Variants in RYR2 observed in about 807,000 individuals in gnomAD.
The protein encoded by RYR2 is ryanodine receptor 2, also known as cardiac muscle ryanodine receptor-calcium release channel.
Under a neutral mutation model 601.1 loss-of-function variants are expected in RYR2, and 227 were observed. That is an observed-to-expected ratio of 0.38 (90% CI 0.34 to 0.42). The LOEUF (loss-of-function observed/expected upper bound fraction) is 0.42. RYR2 is among the 10% of genes least tolerant of loss of function. The pLI, the probability that RYR2 is intolerant of heterozygous loss-of-function variation, is 1.00. For missense variants in RYR2, 4,646 were observed against 6,156.5 expected (o/e 0.75, Z 8.21); for synonymous variants, 2,223 against 2,175.1 (o/e 1.02, Z -0.61).
chr1:237,516,202 C>G (rs1666529832), intron 24 of RYR2, among the ~76,000 whole-genome samples: 1 of 152,088 alleles, frequency 6.6e-6, no homozygotes, highest in Non-Finnish European at 1.5e-5. Flanking sequence ...CCTCTGCCTC[C>G]CAGATTCAAG....
At chr1:237,191,186 G>A (rs1203170654) in intron 1 of RYR2, among the ~76,000 whole-genome samples, 1 of 152,048 alleles carries the variant, frequency 6.6e-6, no homozygotes, top group East Asian at 1.9e-4. Context: ...TCCCCATTTT[G>A]TAGTCTTGGT....
intron 1 of RYR2, among the ~76,000 whole-genome samples, chr1:237,258,003 A>G (rs1248485152): frequency 1.3e-5 from 2 of 151,800 alleles, no homozygotes; most frequent in Non-Finnish European, 2.9e-5. Context: ...GTCTCTACTA[A>G]AAATACAAAA....
chr1:237,575,616 A>G (rs1025046044), intron 29 of RYR2, among the ~76,000 whole-genome samples: 2 of 152,134 alleles, frequency 1.3e-5, no homozygotes, highest in African/African-American at 4.8e-5. Context: ...ATGTAACAAT[A>G]AGAAGGAATT....
chr1:237,687,304 G>A (rs1686481999), intron 62 of RYR2, 151 bp from the exon 63 acceptor site: 2 of 607,972 alleles, frequency 3.3e-6, no homozygotes, highest in Non-Finnish European at 5.8e-6. Flanking sequence ...TTCTTTCTGC[G>A]TGACATCATG....
chr1:237,083,092 T>C (rs1034589957), intron 1 of RYR2, among the ~76,000 whole-genome samples: 1 of 152,142 alleles, frequency 6.6e-6, no homozygotes, highest in Non-Finnish European at 1.5e-5. Flanking sequence ...TTGCCACAAG[T>C]CCCCTTTCAG....
intron 16 of RYR2, among the ~76,000 whole-genome samples, chr1:237,460,603 A>G (rs1345000918): frequency 6.6e-6 from 1 of 152,194 alleles, no homozygotes; most frequent in Non-Finnish European, 1.5e-5. Context: ...TGAATTATTT[A>G]ATAAATACGT....
intron 1 of RYR2, among the ~76,000 whole-genome samples, chr1:237,093,139 A>G (rs906136864): frequency 7.9e-5 from 12 of 152,154 alleles, no homozygotes; most frequent in Non-Finnish European, 1.6e-4. Flanking sequence ...ATCTAATTTT[A>G]ATTAACCCAA....
chr1:237,273,178 G>A (rs1290428322), intron 2 of RYR2, among the ~76,000 whole-genome samples: 1 of 151,928 alleles, frequency 6.6e-6, no homozygotes, highest in African/African-American at 2.4e-5. Context: ...CTATATCTGG[G>A]GGTGACAGTG....
intron 100 of RYR2, among the ~76,000 whole-genome samples, chr1:237,809,734 T>C (rs790883): frequency 0.19 from 28,770 of 151,998 alleles, 3,228 homozygotes; most frequent in East Asian, 0.5. Context: ...GATATAATGA[T>C]ACATAAATTA....
At chr1:237,325,762 G>T (rs1448234568) in intron 2 of RYR2, among the ~76,000 whole-genome samples, 2 of 151,994 alleles carry the variant, frequency 1.3e-5, no homozygotes, top group Non-Finnish European at 2.9e-5. Context: ...ACTATAAAGG[G>T]AAAGTGAGTA....
At chr1:237,768,303 C>CT (rs1413953463) in intron 84 of RYR2, among the ~76,000 whole-genome samples, 1 of 152,080 alleles carries the variant, frequency 6.6e-6, no homozygotes, top group African/African-American at 2.4e-5. Flanking sequence ...GCCACTGCAC[C>CT]TAATATATTA....
rs1190009605 is a variant in RYR2, at chr1:237,511,846, A to AC, written c.2822+55_2822+56insC. The stretch of plus-strand genomic sequence containing the variant: ...ACCTGCCTTCCCTGAAAAAAAAAAA[A>AC]AAAAAAAAAAAAACAGGTATTGATG... On this transcript the variant is annotated intron_variant, in intron 24 of 104. Coordinates refer to ENST00000366574, the MANE Select transcript of RYR2 (RefSeq NM_001035.3). 221 of 1,005,038 alleles carry AC rather than the reference A, an allele frequency of 2.2e-4. 1 individual carries two copies. The African/African-American group carries it at 3.0e-3, about 14-fold the overall frequency. 62.3% of individuals were successfully genotyped at this position (1,005,038 alleles called of 1,614,324 possible). A position where few individuals can be genotyped will look rare whatever the true frequency, so the allele number is the denominator to read the frequency against.
intron 91 of RYR2, among the ~76,000 whole-genome samples, chr1:237,787,591 C>CAA (rs1657770266): frequency 6.2e-5 from 2 of 32,116 alleles, no homozygotes; most frequent in African/African-American, 1.3e-4. Context: ...GACTCTGTCT[C>CAA]AAAAACAAAA....
At chr1:237,341,141 T>C (rs965545836) in intron 3 of RYR2, among the ~76,000 whole-genome samples, 5 of 152,224 alleles carry the variant, frequency 3.3e-5, no homozygotes, top group African/African-American at 1.2e-4. Flanking sequence ...CTTAAATGTA[T>C]AGATTATTTT....
chr1:237,094,021 G>T (rs958845816), intron 1 of RYR2, among the ~76,000 whole-genome samples: 1 of 152,194 alleles, frequency 6.6e-6, no homozygotes, highest in Admixed American at 6.5e-5. Flanking sequence ...AGGCAGCTGG[G>T]AGAGCAGGCC....
intron 25 of RYR2, among the ~76,000 whole-genome samples, chr1:237,545,850 A>G (rs906917376): frequency 2.6e-5 from 4 of 151,948 alleles, no homozygotes; most frequent in Non-Finnish European, 4.4e-5. Flanking sequence ...GCTTGAGGCC[A>G]GGGGTTGAAG....
intron 1 of RYR2, among the ~76,000 whole-genome samples, chr1:237,132,955 G>T (rs1672316566): frequency 2.6e-5 from 4 of 152,146 alleles, no homozygotes; most frequent in Admixed American, 2.0e-4. Flanking sequence ...ACCAAGGATG[G>T]TTTTTTGTCA....
chr1:237,385,817 C>G (rs1243990141), intron 8 of RYR2, among the ~76,000 whole-genome samples: 1 of 152,164 alleles, frequency 6.6e-6, no homozygotes, highest in Non-Finnish European at 1.5e-5. Context: ...TACGTGTTTA[C>G]TGGATAACAT....
At chr1:237,644,413 T>C (rs1037967400) in intron 48 of RYR2, among the ~76,000 whole-genome samples, 1 of 151,436 alleles carries the variant, frequency 6.6e-6, no homozygotes, top group Non-Finnish European at 1.5e-5. Context: ...TTTGCATTTT[T>C]TGTAGAGACA....
Sources: gnomAD v4.1 joint callset for allele counts (sites outside exome capture counted in the v4.1 genomes callset) on GRCh38, gnomAD v4.1.1 for gene constraint, MANE v1.5 for transcripts, NCBI Gene and HGNC (gene_info 2026-07-23, HGNC 2026-07-21) for gene names.